TJP1: variants seen among roughly 807,000 people sequenced by gnomAD.
The protein encoded by TJP1 is tight junction protein ZO-1.
Under a neutral mutation model 194.2 loss-of-function variants are expected in TJP1, and 43 were observed. That is an observed-to-expected ratio of 0.22 (90% confidence interval 0.17 to 0.29). The LOEUF is 0.29. Ranked by LOEUF, TJP1 falls within the 10% of genes least tolerant of loss-of-function variation. The probability of loss-of-function intolerance (pLI) is 1.00; values close to 1 mark genes in which losing one functional copy is unlikely to be tolerated. For synonymous variants in TJP1, 801 were observed against 779.0 expected (o/e 1.03, Z -0.47); for missense variants, 1,971 against 2,185.7 (o/e 0.90, Z 1.96).
intron 1 of TJP1, among the ~76,000 whole-genome samples, chr15:29,821,242 A>G (rs948196372): frequency 6.6e-6 from 1 of 152,220 alleles, no homozygotes; most frequent in African/African-American, 2.4e-5. Flanking sequence ...AATATTTCAG[A>G]GCACATAGGA....
intron 2 of TJP1, among the ~76,000 whole-genome samples, chr15:29,785,593 C>T (rs1053986315): frequency 1.3e-5 from 2 of 152,204 alleles, no homozygotes; most frequent in Non-Finnish European, 2.9e-5. Context: ...TGCCCAATTA[C>T]CTACTTAAGG....
chr15:29,726,686 TG>T (rs1243059193), intron 17 of TJP1, 94 bp downstream of exon 17: 190 of 1,294,306 alleles, frequency 1.5e-4, no homozygotes, highest in Non-Finnish European at 1.9e-4. Flanking sequence ...GAAAGTATCA[TG>T]TAAGTTTTAG....
intron 1 of TJP1, among the ~76,000 whole-genome samples, chr15:29,801,605 G>A (rs2048790552): frequency 1.3e-5 from 2 of 150,120 alleles, no homozygotes; most frequent in Admixed American, 6.6e-5. Flanking sequence ...GGGACTACAG[G>A]CGCCCGCCAC....
intron 2 of TJP1, among the ~76,000 whole-genome samples, chr15:29,901,105 G>A (rs763230507): frequency 2.0e-5 from 3 of 152,034 alleles, no homozygotes; most frequent in Non-Finnish European, 2.9e-5. Flanking sequence ...GAAGAAAATC[G>A]ATGAGAATGG....
chr15:29,761,327 A>G (rs774306259), intron 7 of TJP1, 41 bp from the exon 8 acceptor site: 1 of 1,611,110 alleles, frequency 6.2e-7, no homozygotes, highest in Non-Finnish European at 8.5e-7. Context: ...CACAAAAATA[A>G]TTACAGTCAA....
chr15:29,730,066 C>T (rs1482287233), intron 15 of TJP1, among the ~76,000 whole-genome samples: 3 of 151,690 alleles, frequency 2.0e-5, no homozygotes, highest in Admixed American at 6.6e-5. Context: ...CCTAACTGAA[C>T]CAAAAATTGC....
chr15:29,935,545 A>G (rs2054855717), intron 2 of TJP1, among the ~76,000 whole-genome samples: 2 of 152,146 alleles, frequency 1.3e-5, no homozygotes, highest in Non-Finnish European at 2.9e-5. Flanking sequence ...AAAGGACTTC[A>G]AAATTCCTGG....
chr15:29,963,478 A>G (rs889756130), intron 1 of TJP1, among the ~76,000 whole-genome samples: 10 of 152,236 alleles, frequency 6.6e-5, no homozygotes, highest in Admixed American at 6.5e-4. Flanking sequence ...GCAGCAAGTA[A>G]TAGCTCAATG....
rs532025769 is a variant in TJP1 at position 29,719,667 on chromosome 15, A to G, written c.3003+110T>C. 39 of 1,383,150 alleles carry G rather than the reference A, an allele frequency of 2.8e-5. No individual in the cohort carries two copies. In the African/African-American group the frequency reaches 4.8e-4, roughly 17 times the overall value. 85.7% of individuals were successfully genotyped at this position (1,383,150 alleles called of 1,614,324 possible). A position where few individuals can be genotyped will look rare whatever the true frequency, so the allele number is the denominator to read the frequency against. ...TATTGATTTGAAAGCATTACAGTGT[A>G]TAAGCCTGCAGTAAAAAAGCAAAAG... On this transcript the variant is annotated intron_variant, in intron 20 of 27. Transcript: ENST00000614355.
At chr15:29,746,858 C>T (rs750227087) in intron 8 of TJP1, among the ~76,000 whole-genome samples, 2 of 151,132 alleles carry the variant, frequency 1.3e-5, no homozygotes, top group Non-Finnish European at 2.9e-5. Flanking sequence ...GTGTATTCTA[C>T]TTTTAAGTTG....
rs865893662 is a variant in TJP1, at chr15:29,746,221, A to C, written c.1011-3440T>G. On this transcript the variant is annotated intron_variant, in intron 8 of 27. Transcript: ENST00000614355. Reference sequence around the variant, plus strand: ...GAAACCCTGTCTCTACTAAAAATACAAAAAAAATTGGCTGGGCGTGGTGGC... The same window carrying C: ...GAAACCCTGTCTCTACTAAAAATACCAAAAAAATTGGCTGGGCGTGGTGGC... 1.2e-4 allele frequency among the ~76,000 whole-genome samples: 18 copies of C among 149,520 alleles called. No homozygotes were observed. In the South Asian group the frequency reaches 3.3e-3, roughly 28 times the overall value.
chr15:29,743,511 A>C (rs960336069), intron 8 of TJP1, among the ~76,000 whole-genome samples: 2 of 152,190 alleles, frequency 1.3e-5, no homozygotes, highest in South Asian at 4.1e-4. Flanking sequence ...GGACTGCTTG[A>C]GCCCAGGAGT....
At position 29,907,302 on chromosome 15, in the gene TJP1, G is replaced by A. The variant is rs528295921; in HGVS notation, c.306+48930C>T. On this transcript the variant is annotated intron_variant, in intron 2 of 28. Transcript: ENST00000356107. The stretch of plus-strand genomic sequence containing the variant: ...CGGGCGCCTGTAGCCCCAGCTACTC[G>A]GGAAGCTGAGGCAGGAGAATGGAGT... Among the ~76,000 whole-genome samples, 18 of 152,062 alleles carry A rather than the reference G, an allele frequency of 1.2e-4. No individual in the cohort carries two copies. In the South Asian group the frequency reaches 1.5e-3, roughly 12 times the overall value.
chr15:29,812,644 T>G (rs140213278), intron 1 of TJP1, among the ~76,000 whole-genome samples: 1 of 152,296 alleles, frequency 6.6e-6, no homozygotes, highest in African/African-American at 2.4e-5. Context: ...TAAAAGGATG[T>G]GAATGTATGA....
At chr15:29,720,779 G>A (rs929070219) in intron 18 of TJP1, 71 bp from the exon 19 acceptor site, 3 of 1,212,146 alleles carry the variant, frequency 2.5e-6, no homozygotes, top group African/African-American at 3.1e-5. Flanking sequence ...ATCGTACAAG[G>A]CAGATTGAAA....
chr15:29,822,500 C>T, upstream of TJP1: 1 of 984,506 alleles, frequency 1.0e-6, no homozygotes, highest in East Asian at 1.2e-4. Flanking sequence ...ACTGAGCATG[C>T]CCGGCCCGGC....
chr15:29,848,519 G>A (rs1336419780), intron 2 of TJP1, among the ~76,000 whole-genome samples: 1 of 152,166 alleles, frequency 6.6e-6, no homozygotes, highest in Middle Eastern at 3.2e-3. Flanking sequence ...AGTAACAGAG[G>A]AAGTTGACTA....
At chr15:29,933,820 T>C (rs2054798377) in intron 2 of TJP1, among the ~76,000 whole-genome samples, 1 of 152,072 alleles carries the variant, frequency 6.6e-6, no homozygotes, top group African/African-American at 2.4e-5. Context: ...GAGGATGGAC[T>C]TTAAAAGAGT....
chr15:29,825,554 T>C (rs1171321532), upstream of TJP1, among the ~76,000 whole-genome samples: 1 of 152,162 alleles, frequency 6.6e-6, no homozygotes, highest in Non-Finnish European at 1.5e-5. Flanking sequence ...AAAACAGCCT[T>C]GACCAAATGA....
Sources: gnomAD v4.1 joint callset for allele counts (sites outside exome capture counted in the v4.1 genomes callset) on GRCh38, gnomAD v4.1.1 for gene constraint, MANE v1.5 for transcripts, NCBI Gene and HGNC (gene_info 2026-07-23, HGNC 2026-07-21) for gene names.